NT5C3A: variants seen among roughly 807,000 people sequenced by gnomAD.
NT5C3A encodes the protein 5'-nucleotidase, cytosolic IIIA.
A neutral mutation model predicts 40.0 loss-of-function variants in NT5C3A; 23 were observed. The observed-to-expected ratio is 0.58, with a 90% CI of 0.41 to 0.81. NT5C3A has a LOEUF of 0.81. Among genes scored for constraint, NT5C3A ranks in the 40% least tolerant of loss-of-function variants. NT5C3A has a pLI of 0.00. For missense variants in NT5C3A, 328 were observed against 403.0 expected (o/e 0.81, Z 1.59); for synonymous variants, 130 against 141.4 (o/e 0.92, Z 0.57).
chr7:33,015,896 C>A (rs778477645), intron 7 of NT5C3A, 26 bp from the exon 8 acceptor site: 2 of 1,477,570 alleles, frequency 1.4e-6, no homozygotes, highest in South Asian at 2.3e-5. Context: ...ATCTTTTGAA[C>A]AGGCTTTAAA....
chr7:33,030,229 A>G (rs1786169363), intron 1 of NT5C3A, among the ~76,000 whole-genome samples: 1 of 152,252 alleles, frequency 6.6e-6, no homozygotes, highest in Admixed American at 6.5e-5. Flanking sequence ...AAAGAGTATC[A>G]TAATATAAGC....
intron 3 of NT5C3A, among the ~76,000 whole-genome samples, chr7:33,022,493 AT>A (rs2127996716): frequency 6.6e-6 from 1 of 152,374 alleles, no homozygotes; most frequent in East Asian, 1.9e-4. Context: ...TAACGTAAAC[AT>A]CTGGAAAATC....
At position 33,021,365 on chromosome 7, in the gene NT5C3A, G is replaced by C; in HGVS notation, c.355-8C>G. On this transcript the variant is annotated splice_region_variant and splice_polypyrimidine_tract_variant and intron_variant, in intron 4 of 8. Coordinates refer to ENST00000610140, the MANE Select transcript of NT5C3A (RefSeq NM_001002010.5). ...TTCCTTTAGTTGCAATAACTAGGAA[G>C]ATATGAATAACTTAATCATGAAGAT... is the stretch of plus-strand genomic sequence containing the variant. The C allele has an allele frequency of 6.2e-7, 1 of 1,608,752 alleles. No individual in the cohort carries two copies. The highest frequency in any genetic ancestry group is 1.7e-5 in the Admixed American group (1 of 59,722).
At chr7:33,021,995 C>G in intron 4 of NT5C3A, 58 bp downstream of exon 4, 1 of 987,222 alleles carries the variant, frequency 1.0e-6, no homozygotes, top group Non-Finnish European at 1.6e-6. Context: ...TGAAGAAATT[C>G]TCAGGCAAAA....
chr7:33,053,565 G>GTTT (rs1189727873), intron 1 of NT5C3A, among the ~76,000 whole-genome samples: 1 of 151,392 alleles, frequency 6.6e-6, no homozygotes, highest in Admixed American at 6.6e-5. Flanking sequence ...GGAGGCTGAG[G>GTTT]GGGGAAGACG....
At chr7:33,034,268 C>A (rs1001359363) in intron 1 of NT5C3A, among the ~76,000 whole-genome samples, 2 of 152,096 alleles carry the variant, frequency 1.3e-5, no homozygotes, top group African/African-American at 2.4e-5. Context: ...TAAAAAAAAT[C>A]TTTTGGCTTG....
In NT5C3A at chr7:33,046,474, G is replaced by C. The variant is rs1325631769; in HGVS notation, c.138+16094C>G. 3.9e-5 allele frequency among the ~76,000 whole-genome samples: 6 copies of C among 151,906 alleles called. No homozygotes were observed. In the East Asian group the frequency reaches 1.2e-3, roughly 29 times the overall value. On this transcript the variant is annotated intron_variant, in intron 1 of 8. Coordinates refer to ENST00000610140, the MANE Select transcript of NT5C3A (RefSeq NM_001002010.5). ...GGATCACTTCAGCCCAGAAGGTAGA[G>C]GCTGCAGTACAATCATGCCACTGCA...
At chr7:33,058,321 A>T (rs904023054) in intron 1 of NT5C3A, among the ~76,000 whole-genome samples, 1 of 150,924 alleles carries the variant, frequency 6.6e-6, no homozygotes, top group African/African-American at 2.4e-5. Flanking sequence ...TTCAGTATGA[A>T]TAGTACACTT....
intron 1 of NT5C3A, among the ~76,000 whole-genome samples, chr7:33,060,712 A>G (rs1268467225): frequency 6.6e-6 from 1 of 152,182 alleles, no homozygotes; most frequent in Admixed American, 6.5e-5. Flanking sequence ...ATGGGTTTGC[A>G]GAGATTTTTC....
intron 3 of NT5C3A, among the ~76,000 whole-genome samples, chr7:33,023,187 C>T (rs1010857089): frequency 3.7e-4 from 56 of 152,090 alleles, no homozygotes; most frequent in African/African-American, 1.3e-3. Context: ...GCTGGGATTA[C>T]AGGCGTGAGC....
Position 33,022,117 on chromosome 7 carries a change from A to C in NT5C3A, c.308-18T>G. ...AATGATATCTAAAGATAGAAAGCAA[A>C]ATAAGCATTAAAAGAAATACTCTGA... On this transcript the variant is annotated intron_variant, in intron 3 of 8. Coordinates refer to ENST00000610140, the MANE Select transcript of NT5C3A (RefSeq NM_001002010.5). 1 of 1,337,516 alleles carries C rather than the reference A, an allele frequency of 7.5e-7. No homozygotes were observed. The highest frequency in any genetic ancestry group is 1.1e-6 in the Non-Finnish European group (1 of 931,200). 82.9% of individuals were successfully genotyped at this position (1,337,516 alleles called of 1,614,324 possible). A position where few individuals can be genotyped will look rare whatever the true frequency, so the allele number is the denominator to read the frequency against.
intron 1 of NT5C3A, chr7:33,036,047 C>T (rs2128005745): frequency 7.5e-7 from 1 of 1,341,452 alleles, no homozygotes; most frequent in Middle Eastern, 1.8e-4. Flanking sequence ...ACGTGACATA[C>T]ATAAATTTCA....
intron 1 of NT5C3A, 80 bp downstream of exon 1, chr7:33,062,488 C>G (rs1787821047): frequency 3.8e-6 from 5 of 1,326,468 alleles, no homozygotes; most frequent in Non-Finnish European, 3.2e-6. Context: ...CGAACAGCGG[C>G]CCAGCACAGG....
chr7:33,030,496 A>T (rs1562593237), intron 1 of NT5C3A, among the ~76,000 whole-genome samples: 1 of 152,200 alleles, frequency 6.6e-6, no homozygotes, highest in Non-Finnish European at 1.5e-5. Context: ...AAAAATAAAT[A>T]AGAAGCTAAA....
intron 1 of NT5C3A, among the ~76,000 whole-genome samples, chr7:33,027,472 A>G (rs981361668): frequency 6.6e-6 from 1 of 152,388 alleles, no homozygotes; most frequent in East Asian, 1.9e-4. Context: ...GCTTTATCAG[A>G]AAGTATATAT....
chr7:33,048,609 T>C (rs965293265), intron 1 of NT5C3A, among the ~76,000 whole-genome samples: 5 of 152,204 alleles, frequency 3.3e-5, no homozygotes, highest in African/African-American at 1.2e-4. Flanking sequence ...GTTTCTTGCA[T>C]AGTTTTAGCC....
chr7:33,027,147 G>A (rs753144989), intron 1 of NT5C3A: 27 of 370,762 alleles, frequency 7.3e-5, no homozygotes, highest in East Asian at 1.2e-4. Context: ...CTAGCTCACC[G>A]TAGCCTCAAA....
chr7:33,014,604 A>T lies in NT5C3A; in HGVS notation c.*126T>A. On this transcript the variant is annotated 3_prime_UTR_variant, in exon 9 of 9. Transcript: ENST00000610140. ...CAATGCATTCACCATATCTGAAAAT[A>T]CTTCAGTTATACAAAGGGAACACTT... is the stretch of plus-strand genomic sequence containing the variant. 7.3e-7 allele frequency: 1 copy of T among 1,378,508 alleles called. No individual in the cohort carries two copies. The highest frequency in any genetic ancestry group is 1.2e-5 in the South Asian group (1 of 80,952). 85.4% of individuals were successfully genotyped at this position (1,378,508 alleles called of 1,614,324 possible).
At chr7:33,061,712 T>C (rs1282563076) in intron 1 of NT5C3A, among the ~76,000 whole-genome samples, 1 of 152,156 alleles carries the variant, frequency 6.6e-6, no homozygotes, top group Non-Finnish European at 1.5e-5. Flanking sequence ...CATCTGACCC[T>C]AGATGTTCAC....
Sources: allele counts gnomAD v4.1 joint callset (sites outside exome capture counted in the v4.1 genomes callset), GRCh38; gene constraint gnomAD v4.1.1; transcripts MANE v1.5; gene names NCBI Gene and HGNC (gene_info 2026-07-23, HGNC 2026-07-21).